LRRC4C: variants seen among roughly 807,000 people sequenced by gnomAD.
The protein encoded by LRRC4C is leucine rich repeat containing 4C, also known as leucine-rich repeat-containing protein 4C.
LRRC4C carries 5 observed loss-of-function variants against 33.6 expected under a neutral mutation model. The observed-to-expected ratio is 0.15, with a 90% confidence interval of 0.08 to 0.31. The LOEUF is 0.31. Ranked by LOEUF, LRRC4C falls within the 10% of genes least tolerant of loss-of-function variation. The pLI, the probability that LRRC4C is intolerant of heterozygous loss-of-function variation, is 1.00. For missense variants in LRRC4C, 560 were observed against 796.7 expected, an observed-to-expected ratio of 0.70 and a Z score of 3.58; for synonymous variants, 329 against 302.0, an observed-to-expected ratio of 1.09 and a Z score of -0.93.
intron 1 of LRRC4C, among the ~76,000 whole-genome samples, chr11:41,171,306 C>T (rs141388317): frequency 0.037 from 5,587 of 152,166 alleles, 147 homozygotes; most frequent in African/African-American, 0.068. Flanking sequence ...CACACACACA[C>T]GTATGTTTAT....
At chr11:41,097,777 G>A (rs909093464) in intron 1 of LRRC4C, among the ~76,000 whole-genome samples, 3 of 152,038 alleles carry the variant, frequency 2.0e-5, no homozygotes, top group Admixed American at 1.3e-4. Context: ...CTTTCCCAAA[G>A]ATGGCTTGAA....
intron 3 of LRRC4C, among the ~76,000 whole-genome samples, chr11:40,624,459 A>G (rs112280597): frequency 5.3e-5 from 8 of 152,116 alleles, no homozygotes; most frequent in African/African-American, 1.2e-4. Context: ...TCCTGTCCCA[A>G]TAAATTACTC....
intron 1 of LRRC4C, among the ~76,000 whole-genome samples, chr11:41,207,938 T>C (rs560151192): frequency 6.6e-6 from 1 of 152,174 alleles, no homozygotes; most frequent in African/African-American, 2.4e-5. Context: ...TGGGAGAAAT[T>C]TGAAGTCCAG....
chr11:41,449,974 A>G (rs1955966834), intron 1 of LRRC4C, among the ~76,000 whole-genome samples: 1 of 152,120 alleles, frequency 6.6e-6, no homozygotes, highest in Non-Finnish European at 1.5e-5. Flanking sequence ...CTAGCTTGAG[A>G]GAAATAGAAA....
intron 1 of LRRC4C, among the ~76,000 whole-genome samples, chr11:41,185,242 G>A (rs1405093202): frequency 1.3e-5 from 2 of 152,118 alleles, no homozygotes; most frequent in Non-Finnish European, 1.5e-5. Context: ...ATATGAGTTG[G>A]TGAGAGTCTA....
At chr11:41,178,425 C>T (rs1315221241) in intron 1 of LRRC4C, among the ~76,000 whole-genome samples, 2 of 152,130 alleles carry the variant, frequency 1.3e-5, no homozygotes, top group Non-Finnish European at 2.9e-5. Context: ...GTAATCATAG[C>T]TCAATGCAGC....
intron 4 of LRRC4C, among the ~76,000 whole-genome samples, chr11:40,311,129 A>T (rs2136752949): frequency 6.6e-6 from 1 of 152,332 alleles, no homozygotes; most frequent in South Asian, 2.1e-4. Context: ...ACTCATCCAT[A>T]AAATCTTCTG....
At chr11:40,788,705 G>A (rs1950510123) in intron 2 of LRRC4C, among the ~76,000 whole-genome samples, 1 of 152,032 alleles carries the variant, frequency 6.6e-6, no homozygotes, top group Non-Finnish European at 1.5e-5. Context: ...AAGTTATAAT[G>A]CTTCTCTCTT....
intron 3 of LRRC4C, among the ~76,000 whole-genome samples, chr11:40,592,629 T>A (rs1959109010): frequency 6.6e-6 from 1 of 152,196 alleles, no homozygotes; most frequent in South Asian, 2.1e-4. Context: ...GTTCAGTGAC[T>A]GGCCTTAGCT....
Position 40,126,300 on chromosome 11 carries a change from T to C in LRRC4C, c.-42-9966A>G, listed in dbSNP as rs75104961. On this transcript the variant is annotated intron_variant, in intron 6 of 6. Coordinates refer to ENST00000528697, the MANE Select transcript of LRRC4C (RefSeq NM_001258419.2). ...CAGGACGTCTCACCTAATGATATTA[T>C]AATGTTGTCACTAGTGTTGTGACTA... Among the ~76,000 whole-genome samples the C allele has an allele frequency of 3.2e-3, 480 of 152,270 alleles. 3 individuals are homozygous for C. The highest frequency in any genetic ancestry group is 0.011 in the African/African-American group (446 of 41,556).
intron 1 of LRRC4C, among the ~76,000 whole-genome samples, chr11:41,141,208 T>C (rs1943489460): frequency 6.6e-6 from 1 of 152,060 alleles, no homozygotes. Context: ...GTTTTTAAAA[T>C]TATCCTTCTT....
intron 2 of LRRC4C, among the ~76,000 whole-genome samples, chr11:40,793,245 A>C (rs934133454): frequency 6.6e-6 from 1 of 152,214 alleles, no homozygotes; most frequent in Non-Finnish European, 1.5e-5. Context: ...AAAATAATTT[A>C]ATTGTTACTG....
At chr11:40,596,623 G>A (rs1398968718) in intron 3 of LRRC4C, among the ~76,000 whole-genome samples, 1 of 150,584 alleles carries the variant, frequency 6.6e-6, no homozygotes, top group Admixed American at 6.7e-5. Flanking sequence ...CCCCTTCCCA[G>A]CTTCTGGTAA....
At chr11:40,350,941 T>A (rs768957833) in intron 3 of LRRC4C, among the ~76,000 whole-genome samples, 1 of 152,116 alleles carries the variant, frequency 6.6e-6, no homozygotes, top group Non-Finnish European at 1.5e-5. Flanking sequence ...TGATTTTGTA[T>A]CCTGCAACTT....
intron 2 of LRRC4C, among the ~76,000 whole-genome samples, chr11:40,846,729 A>G (rs1953194022): frequency 6.6e-6 from 1 of 152,166 alleles, no homozygotes; most frequent in Non-Finnish European, 1.5e-5. Flanking sequence ...ATAGCATTGA[A>G]TCTATAAATT....
chr11:41,038,548 T>C (rs1857234495), intron 1 of LRRC4C, among the ~76,000 whole-genome samples: 2 of 152,308 alleles, frequency 1.3e-5, no homozygotes, highest in South Asian at 4.1e-4. Context: ...AGTCTGGCAC[T>C]ATCATGTACT....
At chr11:40,468,730 C>T (rs906068341) in intron 3 of LRRC4C, among the ~76,000 whole-genome samples, 1 of 151,960 alleles carries the variant, frequency 6.6e-6, no homozygotes, top group Non-Finnish European at 1.5e-5. Flanking sequence ...TAGATTGTTA[C>T]TCAATCCCAA....
At chr11:40,156,343 G>C (rs1291177640) in intron 5 of LRRC4C, among the ~76,000 whole-genome samples, 3 of 152,108 alleles carry the variant, frequency 2.0e-5, no homozygotes, top group Non-Finnish European at 4.4e-5. Flanking sequence ...AGAAGTCCTA[G>C]CCAGAGCAAT....
intron 1 of LRRC4C, among the ~76,000 whole-genome samples, chr11:41,299,002 T>G (rs914660189): frequency 2.0e-5 from 3 of 152,202 alleles, no homozygotes; most frequent in African/African-American, 7.2e-5. Flanking sequence ...TATTCCATTA[T>G]GTATATATAC....
Sources: gnomAD v4.1 joint callset for allele counts (sites outside exome capture counted in the v4.1 genomes callset) on GRCh38, gnomAD v4.1.1 for gene constraint, MANE v1.5 for transcripts, NCBI Gene and HGNC (gene_info 2026-07-23, HGNC 2026-07-21) for gene names.